FHOD3: variants seen among roughly 807,000 people sequenced by gnomAD.
The protein encoded by FHOD3 is formin homology 2 domain containing 3.
FHOD3 carries 90 observed loss-of-function variants against 173.0 expected under a neutral mutation model. That is an observed-to-expected ratio of 0.52 (90% CI 0.44 to 0.62). FHOD3 has a LOEUF of 0.62. FHOD3 is among the 20% of genes least tolerant of loss of function. FHOD3 has a pLI of 0.00. For missense variants in FHOD3, 1,945 were observed against 2,034.7 expected (o/e 0.96, Z 0.85); for synonymous variants, 828 against 823.0 (o/e 1.01, Z -0.10).
chr18:36,561,373 G>A (rs2058076606), intron 5 of FHOD3, among the ~76,000 whole-genome samples: 1 of 152,138 alleles, frequency 6.6e-6, no homozygotes, highest in Non-Finnish European at 1.5e-5. Flanking sequence ...TTGTCACATG[G>A]GTCAGCTCCA....
chr18:36,455,221 C>T (rs1862957211), intron 3 of FHOD3, among the ~76,000 whole-genome samples: 1 of 152,198 alleles, frequency 6.6e-6, no homozygotes, highest in Admixed American at 6.5e-5. Context: ...CCATACCTTT[C>T]CACTCTGCAG....
chr18:36,362,653 CCA>C (rs2046690003), intron 2 of FHOD3, among the ~76,000 whole-genome samples: 2 of 152,020 alleles, frequency 1.3e-5, no homozygotes, highest in Non-Finnish European at 2.9e-5. Context: ...GAGGAGAGGA[CCA>C]GTCCCTGGCT....
At chr18:36,581,360 A>G (rs114663200) in intron 6 of FHOD3, among the ~76,000 whole-genome samples, 4 of 152,156 alleles carry the variant, frequency 2.6e-5, no homozygotes, top group African/African-American at 4.8e-5. Flanking sequence ...CTTTATCTCT[A>G]TGGATCCTCT....
intron 1 of FHOD3, among the ~76,000 whole-genome samples, chr18:36,327,985 GC>G (rs1474548493): frequency 6.6e-6 from 1 of 152,038 alleles, no homozygotes; most frequent in Non-Finnish European, 1.5e-5. Flanking sequence ...TTCCCTTCAA[GC>G]CCCCCCACAA....
chr18:36,355,160 T>G (rs2046302248), intron 1 of FHOD3, among the ~76,000 whole-genome samples: 1 of 152,182 alleles, frequency 6.6e-6, no homozygotes, highest in Non-Finnish European at 1.5e-5. Flanking sequence ...CCACCAAATT[T>G]GCCTTTTAAG....
chr18:36,679,753 G>A (rs751396262), intron 14 of FHOD3, among the ~76,000 whole-genome samples: 15 of 152,058 alleles, frequency 9.9e-5, no homozygotes, highest in East Asian at 1.9e-4. Context: ...AAGGTAGCTC[G>A]TGTGAAACCA....
chr18:36,734,087 A>T (rs932554022), intron 20 of FHOD3, among the ~76,000 whole-genome samples: 4 of 152,130 alleles, frequency 2.6e-5, no homozygotes, highest in African/African-American at 9.7e-5. Flanking sequence ...TGCTGCCTAC[A>T]TTTGCTACCC....
At chr18:36,374,366 G>T (rs900512577) in intron 3 of FHOD3, among the ~76,000 whole-genome samples, 4 of 152,168 alleles carry the variant, frequency 2.6e-5, no homozygotes, top group Non-Finnish European at 5.9e-5. Flanking sequence ...TTGACCTGGG[G>T]TTTATGGAGT....
chr18:36,762,330 T>C (rs938989248), intron 27 of FHOD3, among the ~76,000 whole-genome samples: 1 of 152,214 alleles, frequency 6.6e-6, no homozygotes, highest in Non-Finnish European at 1.5e-5. Flanking sequence ...CAAAGGGACC[T>C]GCAGGCTGTG....
rs58493993 is a variant in FHOD3 at position 36,514,014 on chromosome 18, C to CTTTTTTTTTTTTTTTTT, written c.511+1483_511+1484insTTTTTTTTTTTTTTTTT. On this transcript the variant is annotated intron_variant, in intron 5 of 28. Coordinates refer to ENST00000590592, the MANE Select transcript of FHOD3 (RefSeq NM_001281740.3). ...ATTGCTGAATTTTGCTATTTCTATTCTTTTTTTTTTTTGAGATGGAGTCTT... is the reference window on the plus strand; with the variant it reads ...ATTGCTGAATTTTGCTATTTCTATTCTTTTTTTTTTTTTTTTTTTTTTTTTTTTTGAGATGGAGTCTT... Among the ~76,000 whole-genome samples, 629 of 104,340 alleles carry CTTTTTTTTTTTTTTTTT rather than the reference C, an allele frequency of 6.0e-3. 72 individuals are homozygous for CTTTTTTTTTTTTTTTTT. Among genetic ancestry groups the CTTTTTTTTTTTTTTTTT allele is most frequent in the Non-Finnish European group, 8.4e-3 (436 of 51,866 alleles). The allele number at this position is 104,340 out of a possible 152,430, so 68.5% of individuals were successfully genotyped here.
At chr18:36,435,616 C>T (rs1234638243) in intron 3 of FHOD3, among the ~76,000 whole-genome samples, 1 of 152,044 alleles carries the variant, frequency 6.6e-6, no homozygotes, top group Non-Finnish European at 1.5e-5. Context: ...ACATCGCTTT[C>T]CAATGATATA....
At chr18:36,724,411 T>A (rs2040948280) in intron 19 of FHOD3, among the ~76,000 whole-genome samples, 1 of 152,224 alleles carries the variant, frequency 6.6e-6, no homozygotes, top group Non-Finnish European at 1.5e-5. Context: ...ACCAGCTGAA[T>A]CTGGGGCTGC....
Position 36,516,242 on chromosome 18 carries a change from G to T in FHOD3, c.511+3699G>T, listed in dbSNP as rs577200605. On this transcript the variant is annotated intron_variant, in intron 5 of 28. Coordinates refer to ENST00000590592, the MANE Select transcript of FHOD3 (RefSeq NM_001281740.3). ...TGCTGTCTTCGGTGGGGACTGGTGA[G>T]GGCAGATGCAGATCAAGAGAAGAGG... 2.4e-4 allele frequency among the ~76,000 whole-genome samples: 36 copies of T among 152,154 alleles called. No homozygotes were observed. In the Middle Eastern group the frequency reaches 0.01, roughly 43 times the overall value.
At chr18:36,640,002 C>T (rs971093036) in intron 10 of FHOD3, among the ~76,000 whole-genome samples, 2 of 152,066 alleles carry the variant, frequency 1.3e-5, no homozygotes, top group South Asian at 2.1e-4. Context: ...TTAAATTACT[C>T]CATGTTTCAG....
In FHOD3 at chr18:36,308,067, T is replaced by G. The variant is rs9807724; in HGVS notation, c.165+10067T>G. Among the ~76,000 whole-genome samples, 513 of 152,350 alleles carry G rather than the reference T, an allele frequency of 3.4e-3. 4 individuals carry two copies. The highest frequency in any genetic ancestry group is 0.012 in the African/African-American group (496 of 41,582). On this transcript the variant is annotated intron_variant, in intron 1 of 28. Coordinates refer to ENST00000590592, the MANE Select transcript of FHOD3 (RefSeq NM_001281740.3). The stretch of plus-strand genomic sequence containing the variant: ...CAGGTTCCATGAGGGAAAGTGCTCT[T>G]TCTTCTTGAATGTTAAATTTGTCCA...
chr18:36,691,186 C>T (rs551436791), intron 16 of FHOD3, among the ~76,000 whole-genome samples: 49 of 152,232 alleles, frequency 3.2e-4, no homozygotes, highest in African/African-American at 1.2e-3. Context: ...AAGGCCAGGA[C>T]CAGGAATGAG....
intron 4 of FHOD3, among the ~76,000 whole-genome samples, chr18:36,506,701 A>T (rs1341732445): frequency 6.6e-6 from 1 of 152,238 alleles, no homozygotes; most frequent in Admixed American, 6.5e-5. Context: ...CACTGTAGAA[A>T]AAGTGCCTAG....
chr18:36,370,432 TGGG>T lies in FHOD3; in HGVS notation c.273-2247_273-2245del, dbSNP rs1401294314. Among the ~76,000 whole-genome samples, 701 of 152,128 alleles carry T rather than the reference TGGG, an allele frequency of 4.6e-3. 6 individuals are homozygous for T. Among genetic ancestry groups the T allele is most frequent in the African/African-American group, 0.016 (675 of 41,488 alleles). The stretch of plus-strand genomic sequence containing the variant: ...GGAAAAGATGACCCCTCCAGGATGG[TGGG>T]CTTGCTGGGTCTTGGCAGTCATTGT... On this transcript the variant is annotated intron_variant, in intron 2 of 28. Coordinates refer to ENST00000590592, the MANE Select transcript of FHOD3 (RefSeq NM_001281740.3).
intron 23 of FHOD3, among the ~76,000 whole-genome samples, chr18:36,746,204 T>C (rs1051650288): frequency 3.3e-5 from 5 of 152,316 alleles, no homozygotes; most frequent in Admixed American, 6.5e-5. Flanking sequence ...CTCTGTTACA[T>C]CTGTCCCTTG....
Sources: gnomAD v4.1 joint callset for allele counts (sites outside exome capture counted in the v4.1 genomes callset) on GRCh38, gnomAD v4.1.1 for gene constraint, MANE v1.5 for transcripts, NCBI Gene and HGNC (gene_info 2026-07-23, HGNC 2026-07-21) for gene names.